PCDHGA4: variants seen among roughly 807,000 people sequenced by gnomAD.
The protein encoded by PCDHGA4 is protocadherin gamma-A4.
Under a neutral mutation model 54.6 loss-of-function variants are expected in PCDHGA4, and 38 were observed. The observed-to-expected ratio is 0.70, with a 90% confidence interval of 0.54 to 0.91. The LOEUF is 0.91. Ranked by LOEUF, PCDHGA4 falls within the 40% of genes least tolerant of loss-of-function variation. The probability of loss-of-function intolerance (pLI) is 0.00; values close to 1 mark genes in which losing one functional copy is unlikely to be tolerated. For synonymous variants in PCDHGA4, 511 were observed against 512.9 expected (o/e 1.00, Z 0.05); for missense variants, 1,298 against 1,220.9 (o/e 1.06, Z -0.94).
chr5:141,443,848 G>A lies in PCDHGA4; in HGVS notation c.2515-50959G>A, dbSNP rs528933391. 2.6e-5 allele frequency among the ~76,000 whole-genome samples: 4 copies of A among 152,272 alleles called. No individual in the cohort carries two copies. The South Asian group carries it at 8.3e-4, about 32-fold the overall frequency. ...TTAGGTAAAATGGGTAATATGGAAA[G>A]TCTGAAAACTGAAAAAATTACTGAT... On this transcript the variant is annotated intron_variant, in intron 1 of 3. Transcript: ENST00000571252.
At chr5:141,395,992 T>G (rs915228194) in intron 1 of PCDHGA4, 3 of 152,184 alleles carry the variant, frequency 2.0e-5, no homozygotes, top group African/African-American at 7.2e-5. Context: ...TAAAATGTAA[T>G]TTTAAACTGT....
intron 1 of PCDHGA4, chr5:141,418,374 T>C: frequency 1.2e-6 from 2 of 1,613,968 alleles, no homozygotes; most frequent in Non-Finnish European, 1.7e-6. Flanking sequence ...AAATACCAAC[T>C]AAGTCCTAAC....
At chr5:141,508,824 G>T (rs893436748) in intron 3 of PCDHGA4, among the ~76,000 whole-genome samples, 1 of 151,952 alleles carries the variant, frequency 6.6e-6, no homozygotes, top group Non-Finnish European at 1.5e-5. Context: ...CCAGATCTGG[G>T]CCCCCCTCCC....
chr5:141,400,928 G>T (rs1365073405), intron 1 of PCDHGA4, among the ~76,000 whole-genome samples: 1 of 152,154 alleles, frequency 6.6e-6, no homozygotes, highest in African/African-American at 2.4e-5. Flanking sequence ...ACTGCTAGTA[G>T]ATGTCTTTCT....
intron 1 of PCDHGA4, chr5:141,410,413 TG>T: frequency 6.2e-7 from 1 of 1,614,056 alleles, no homozygotes; most frequent in Non-Finnish European, 8.5e-7. Flanking sequence ...AGTCTGGACC[TG>T]TAGTTCCCCC....
intron 1 of PCDHGA4, among the ~76,000 whole-genome samples, chr5:141,450,013 T>A (rs1178482524): frequency 7.4e-6 from 1 of 135,940 alleles, no homozygotes; most frequent in African/African-American, 3.2e-5. Flanking sequence ...TCTCTTTTTT[T>A]TTTTTTTTTT....
chr5:141,466,486 T>C (rs1005010773), intron 1 of PCDHGA4, among the ~76,000 whole-genome samples: 1 of 152,240 alleles, frequency 6.6e-6, no homozygotes, highest in Non-Finnish European at 1.5e-5. Flanking sequence ...GTAGGTCTTC[T>C]TTAATTAGAG....
chr5:141,438,601 T>C (rs2098005462), intron 1 of PCDHGA4, among the ~76,000 whole-genome samples: 6 of 26,284 alleles, frequency 2.3e-4, no homozygotes, highest in African/African-American at 1.3e-3. Flanking sequence ...CATATATATA[T>C]ATATATATAT....
intron 1 of PCDHGA4, chr5:141,424,767 A>T (rs139479155): frequency 2.9e-4 from 44 of 152,290 alleles, no homozygotes; most frequent in African/African-American, 1.0e-3. Flanking sequence ...TTCTTATGGC[A>T]AATAGTACAT....
At position 141,494,934 on chromosome 5, in the gene PCDHGA4, T is replaced by C. The variant is rs2099757666; in HGVS notation, c.2573+69T>C. On this transcript the variant is annotated intron_variant, in intron 2 of 3. Transcript: ENST00000571252. ...TTCTCAGGGATGACGTGGGAGGAGA[T>C]GGGGGAGGGCCCAGCATTTGCTACA... 5.6e-6 allele frequency: 9 copies of C among 1,612,736 alleles called. No individual in the cohort carries two copies. The South Asian group carries it at 7.7e-5, about 14-fold the overall frequency.
chr5:141,458,463 C>T (rs749353395), intron 1 of PCDHGA4, among the ~76,000 whole-genome samples: 15 of 151,844 alleles, frequency 9.9e-5, no homozygotes, highest in Admixed American at 8.5e-4. Flanking sequence ...TTTAAAATAC[C>T]GTACAACTGC....
At chr5:141,395,506 G>A in intron 1 of PCDHGA4, 1 of 433,794 alleles carries the variant, frequency 2.3e-6, no homozygotes, top group East Asian at 4.4e-5. Flanking sequence ...CACTTAAGAA[G>A]TAGCTACCCG....
rs138463062 is a variant in PCDHGA4 at position 141,485,217 on chromosome 5, C to T, written c.2515-9590C>T. 7,893 of 1,614,092 alleles carry T rather than the reference C, an allele frequency of 4.9e-3. 42 individuals carry two copies. Among genetic ancestry groups the T allele is most frequent in the Admixed American group, 8.8e-3 (531 of 60,030 alleles). On this transcript the variant is annotated intron_variant, in intron 1 of 3. Coordinates refer to ENST00000571252, the MANE Select transcript of PCDHGA4 (RefSeq NM_018917.4). This position sits in a 1 kb window ranked among gnomAD's most constrained non-coding sequence, Gnocchi z 5.7. Reference sequence around the variant, plus strand: ...AGCTGGACAGAAATCTGGCGGTGGGCTACCCTTTTGTTCCTCTTTTACCAC... The same window carrying T: ...AGCTGGACAGAAATCTGGCGGTGGGTTACCCTTTTGTTCCTCTTTTACCAC...
Position 141,431,051 on chromosome 5 carries a change from G to C in PCDHGA4, c.2515-63756G>C, listed in dbSNP as rs1280440001. On this transcript the variant is annotated intron_variant, in intron 1 of 3. Coordinates refer to ENST00000571252, the MANE Select transcript of PCDHGA4 (RefSeq NM_018917.4). This position sits in a 1 kb window ranked among gnomAD's most constrained non-coding sequence, Gnocchi z 4.8. ...GATAGACCGGGAGGAGCTCTGTATGGGGGCCATCAAGTGTCAATTAAATCT... is the reference window on the plus strand; with the variant it reads ...GATAGACCGGGAGGAGCTCTGTATGCGGGCCATCAAGTGTCAATTAAATCT... 3 of 1,614,218 alleles carry C rather than the reference G, an allele frequency of 1.9e-6. No homozygotes were observed. Among genetic ancestry groups the C allele is most frequent in the East Asian group, 2.2e-5 (1 of 44,886 alleles).
chr5:141,361,059 T>A, intron 1 of PCDHGA4: 1 of 1,613,844 alleles, frequency 6.2e-7, no homozygotes, highest in Non-Finnish European at 8.5e-7. Flanking sequence ...ATGATTTGGA[T>A]TTTGAGATTG....
At chr5:141,365,516 A>C (rs778402977) in intron 1 of PCDHGA4, 1 of 1,613,878 alleles carries the variant, frequency 6.2e-7, no homozygotes, top group South Asian at 1.1e-5. Flanking sequence ...TAAATTGGAG[A>C]AGTCAGTTGA....
intron 1 of PCDHGA4, chr5:141,399,620 C>T: frequency 6.2e-7 from 1 of 1,613,940 alleles, no homozygotes; most frequent in Non-Finnish European, 8.5e-7. Flanking sequence ...CTGGCACTGG[C>T]CTCTTACGTG....
chr5:141,409,867 C>A (rs376725837), intron 1 of PCDHGA4: 201 of 1,612,544 alleles, frequency 1.2e-4, no homozygotes, highest in Middle Eastern at 8.2e-4. Context: ...TGGGAGACCG[C>A]AATGACAACG....
At chr5:141,423,562 AC>A in intron 1 of PCDHGA4, 1 of 1,613,612 alleles carries the variant, frequency 6.2e-7, no homozygotes, top group Non-Finnish European at 8.5e-7. Flanking sequence ...CTATGGGGAC[AC>A]GCTCATCAGC....
Sources: gnomAD v4.1 joint callset for allele counts (sites outside exome capture counted in the v4.1 genomes callset) on GRCh38, gnomAD v4.1.1 for gene constraint, Gnocchi (gnomAD v3.1) non-coding constraint, MANE v1.5 for transcripts, NCBI Gene and HGNC (gene_info 2026-07-23, HGNC 2026-07-21) for gene names.